The following SCAPER variants were observed in gnomAD, a reference collection of about 807,000 sequenced individuals.
SCAPER encodes S phase cyclin A-associated protein in the endoplasmic reticulum.
Under a neutral mutation model 182.2 loss-of-function variants are expected in SCAPER, and 98 were observed. The ratio of observed to expected loss-of-function variants is 0.54; its 90% confidence interval spans 0.46 to 0.64. The LOEUF (loss-of-function observed/expected upper bound fraction) is 0.64. Among genes scored for constraint, SCAPER ranks in the 30% least tolerant of loss-of-function variants. The pLI is 0.00. For synonymous variants in SCAPER, 605 were observed against 564.6 expected (o/e 1.07, Z -1.01); for missense variants, 1,432 against 1,690.0 (o/e 0.85, Z 2.68).
chr15:76,474,959 T>C (rs1160136624), intron 24 of SCAPER, among the ~76,000 whole-genome samples: 2 of 152,142 alleles, frequency 1.3e-5, no homozygotes, highest in Non-Finnish European at 2.9e-5. Flanking sequence ...GACCCACATC[T>C]AACACATTTA....
At chr15:76,431,876 C>T (rs1011175371) in intron 26 of SCAPER, among the ~76,000 whole-genome samples, 1 of 152,054 alleles carries the variant, frequency 6.6e-6, no homozygotes, top group African/African-American at 2.4e-5. Context: ...TGTCAATCAT[C>T]ATTTTTAAGT....
intron 22 of SCAPER, among the ~76,000 whole-genome samples, chr15:76,620,714 T>C (rs2051956067): frequency 6.6e-6 from 1 of 152,142 alleles, no homozygotes; most frequent in African/African-American, 2.4e-5. Context: ...CTGTTAAAAG[T>C]ACCAGTAAAA....
At chr15:76,474,090 C>T (rs761218155) in intron 24 of SCAPER, among the ~76,000 whole-genome samples, 6 of 152,074 alleles carry the variant, frequency 3.9e-5, no homozygotes, top group Admixed American at 3.3e-4. Flanking sequence ...AGATTACAGG[C>T]GTGAGCCACC....
chr15:76,498,721 A>G (rs1478679820), intron 24 of SCAPER: 2 of 152,212 alleles, frequency 1.3e-5, no homozygotes, highest in African/African-American at 4.8e-5. Context: ...GTTAGTTTGT[A>G]TCTCCTTACC....
At chr15:76,440,907 G>GTTTTGTT (rs2047526007) in intron 25 of SCAPER, among the ~76,000 whole-genome samples, 1 of 82,818 alleles carries the variant, frequency 1.2e-5, no homozygotes, top group Non-Finnish European at 2.2e-5. Flanking sequence ...TCCCCTTCTG[G>GTTTTGTT]TTTTTTTTTT....
At chr15:76,402,744 T>C (rs2044551370) in intron 27 of SCAPER, among the ~76,000 whole-genome samples, 1 of 152,036 alleles carries the variant, frequency 6.6e-6, no homozygotes, top group Non-Finnish European at 1.5e-5. Context: ...CCATATGTAA[T>C]TGAGAAAATT....
chr15:76,512,416 TC>T (rs1407533681), intron 23 of SCAPER, among the ~76,000 whole-genome samples: 2 of 151,900 alleles, frequency 1.3e-5, no homozygotes, highest in Admixed American at 6.6e-5. Flanking sequence ...CCTCTCATAT[TC>T]CATCTTAGTG....
intron 26 of SCAPER, among the ~76,000 whole-genome samples, chr15:76,427,677 C>T (rs2046531455): frequency 6.6e-6 from 1 of 152,030 alleles, no homozygotes; most frequent in Admixed American, 6.6e-5. Flanking sequence ...GAGACCCTGT[C>T]TCTATAAAAA....
intron 5 of SCAPER, among the ~76,000 whole-genome samples, chr15:76,837,576 G>A (rs1304104538): frequency 2.0e-5 from 3 of 152,158 alleles, no homozygotes; most frequent in South Asian, 4.1e-4. Context: ...TACCTCCCAC[G>A]ATATGTGGAG....
chr15:76,880,222 C>G (rs1449776087), intron 2 of SCAPER, among the ~76,000 whole-genome samples: 1 of 152,194 alleles, frequency 6.6e-6, no homozygotes, highest in African/African-American at 2.4e-5. Context: ...TGAACACCAA[C>G]TTCTATATGA....
In SCAPER at chr15:76,574,262, G is replaced by C. The variant is rs2047660404; in HGVS notation, c.2734C>G (p.Leu912Val). The C allele has an allele frequency of 6.2e-7, 1 of 1,611,494 alleles. No individual in the cohort carries two copies. The highest frequency in any genetic ancestry group is 1.3e-5 in the African/African-American group (1 of 74,872). Residue 912 changes from leucine (L) to valine (V), a missense_variant, in exon 23 of 32, where the codon CTT (leucine) becomes GTT (valine). By Grantham distance (32) the Leu-to-Val change is conservative. This residue lies in a region of SCAPER where 718 missense variants were observed against 799.7 expected (regional missense o/e 0.90). Transcript: ENST00000563290. ...TCTTGAACTTGTACTTGTTTTAGAAGATCTTTGGCTAATCGCTGAAGCCTT... is the reference window on the plus strand; with the variant it reads ...TCTTGAACTTGTACTTGTTTTAGAACATCTTTGGCTAATCGCTGAAGCCTT... ...KAKLQRLAKDLLKQVQVQDSG... is the reference protein window; with the variant it reads ...KAKLQRLAKDVLKQVQVQDSG...
chr15:76,677,914 A>G (rs1041533327), intron 20 of SCAPER, among the ~76,000 whole-genome samples: 4 of 152,004 alleles, frequency 2.6e-5, no homozygotes, highest in African/African-American at 9.7e-5. Flanking sequence ...AAAGAATAAA[A>G]GTTCTAAAAA....
chr15:76,501,762 G>A (rs1455921009), intron 24 of SCAPER, among the ~76,000 whole-genome samples: 1 of 152,256 alleles, frequency 6.6e-6, no homozygotes, highest in Admixed American at 6.5e-5. Flanking sequence ...ACCCGCTAGG[G>A]ATGGAAAGAT....
intron 24 of SCAPER, among the ~76,000 whole-genome samples, chr15:76,475,087 A>G (rs2050514852): frequency 6.6e-6 from 1 of 152,260 alleles, no homozygotes; most frequent in African/African-American, 2.4e-5. Context: ...TAATTTAAAA[A>G]TAATGTGCAT....
Position 76,601,893 on chromosome 15 carries a change from C to CT in SCAPER, c.2711+19870_2711+19871insA, listed in dbSNP as rs1164395351. Among the ~76,000 whole-genome samples, 2 of 121,096 alleles carry CT rather than the reference C, an allele frequency of 1.7e-5. 1 individual carries two copies. Among genetic ancestry groups the CT allele is most frequent in the African/African-American group, 5.0e-5 (2 of 39,634 alleles). The allele number at this position is 121,096 out of a possible 152,430, so 79.4% of individuals were successfully genotyped here. A position where few individuals can be genotyped will look rare whatever the true frequency, so the allele number is the denominator to read the frequency against. ...TGTGTGAGATTGGTTCCAGGAACCC[C>CT]ATGTAAAGCAAAATCTGCACATATT... is the stretch of plus-strand genomic sequence containing the variant. On this transcript the variant is annotated intron_variant, in intron 22 of 31. Transcript: ENST00000563290.
At chr15:76,642,564 G>A (rs926997286) in intron 21 of SCAPER, among the ~76,000 whole-genome samples, 1 of 151,780 alleles carries the variant, frequency 6.6e-6, no homozygotes, top group African/African-American at 2.4e-5. Flanking sequence ...CTTCATACCT[G>A]GATCAGTAAA....
intron 24 of SCAPER, among the ~76,000 whole-genome samples, chr15:76,490,833 T>A (rs2052225957): frequency 1.3e-5 from 2 of 152,174 alleles, no homozygotes; most frequent in Non-Finnish European, 2.9e-5. Context: ...AAGATAAGGG[T>A]CCAGTTTCAT....
At chr15:76,719,977 G>A (rs1034363714) in intron 17 of SCAPER, among the ~76,000 whole-genome samples, 5 of 150,936 alleles carry the variant, frequency 3.3e-5, no homozygotes, top group South Asian at 2.1e-4. Flanking sequence ...TGTGCACAAC[G>A]TGCAGGTTTG....
intron 26 of SCAPER, among the ~76,000 whole-genome samples, chr15:76,431,675 G>GAAAAAAAAAAA (rs1567126176): frequency 1.4e-3 from 6 of 4,316 alleles, no homozygotes; most frequent in Non-Finnish European, 2.2e-3. Context: ...AAAATGATTA[G>GAAAAAAAAAAA]CAAAAAAAAA....
Sources: allele counts gnomAD v4.1 joint callset (sites outside exome capture counted in the v4.1 genomes callset), GRCh38; gene constraint gnomAD v4.1.1; regional missense constraint gnomAD v4.1.1; transcripts MANE v1.5; gene names NCBI Gene and HGNC (gene_info 2026-07-23, HGNC 2026-07-21).